The following SYT1 variants were observed in gnomAD, a reference collection of about 807,000 sequenced individuals.
SYT1 encodes synaptotagmin 1.
SYT1 carries 8 observed loss-of-function variants against 44.8 expected under a neutral mutation model. The observed-to-expected ratio is 0.18, with a 90% CI of 0.10 to 0.32. The LOEUF (loss-of-function observed/expected upper bound fraction) is 0.32. Ranked by LOEUF, SYT1 falls within the 10% of genes least tolerant of loss-of-function variation. SYT1 has a pLI of 1.00. For synonymous variants in SYT1, 154 were observed against 188.8 expected, an observed-to-expected ratio of 0.82 and a Z score of 1.51; for missense variants, 286 against 509.3, an observed-to-expected ratio of 0.56 and a Z score of 4.22.
chr12:79,242,280 G>A (rs1445504536), intron 4 of SYT1, among the ~76,000 whole-genome samples: 1 of 152,128 alleles, frequency 6.6e-6, no homozygotes, highest in African/African-American at 2.4e-5. Context: ...GCTCCTGAAG[G>A]AGAGAATGTC....
Position 79,139,572 on chromosome 12 carries a change from A to T in SYT1, c.-17-77931A>T, listed in dbSNP as rs1869426887. Among the ~76,000 whole-genome samples, 3 of 152,164 alleles carry T rather than the reference A, an allele frequency of 2.0e-5. No individual in the cohort carries two copies. The South Asian group carries it at 6.2e-4, about 32-fold the overall frequency. ...CCTATTAGTTATCTAAATCCTCATC[A>T]TGTGTAGGTGTAGAGTCAATGTTAA... On this transcript the variant is annotated intron_variant, in intron 3 of 10. Coordinates refer to ENST00000261205, the MANE Select transcript of SYT1 (RefSeq NM_005639.3).
intron 9 of SYT1, among the ~76,000 whole-genome samples, chr12:79,417,291 C>T (rs1048844594): frequency 3.3e-5 from 5 of 152,104 alleles, no homozygotes; most frequent in African/African-American, 1.2e-4. Context: ...TCTCTTCATC[C>T]AATTGCATAC....
intron 8 of SYT1, among the ~76,000 whole-genome samples, chr12:79,311,620 A>G (rs1298331582): frequency 3.6e-5 from 5 of 139,694 alleles, no homozygotes; most frequent in Admixed American, 7.4e-5. Context: ...AACCAACCCA[A>G]ATGTCCAACA....
upstream of SYT1, chr12:78,864,630 G>A (rs1014580023): frequency 6.6e-6 from 1 of 152,194 alleles, no homozygotes; most frequent in African/African-American, 2.4e-5. Flanking sequence ...ATTAGTGCGC[G>A]GGGATTGGCT....
At chr12:79,215,567 C>G (rs1397608026) in intron 3 of SYT1, among the ~76,000 whole-genome samples, 1 of 152,122 alleles carries the variant, frequency 6.6e-6, no homozygotes, top group Non-Finnish European at 1.5e-5. Context: ...CGGTGGCTCA[C>G]ACCTGTAATC....
intron 1 of SYT1, among the ~76,000 whole-genome samples, chr12:78,869,313 G>A (rs941469661): frequency 1.3e-5 from 2 of 151,876 alleles, no homozygotes; most frequent in Non-Finnish European, 2.9e-5. Context: ...TGGTAGCCGG[G>A]TATGTGAACA....
intron 8 of SYT1, among the ~76,000 whole-genome samples, chr12:79,350,276 G>C (rs1277278354): frequency 7.6e-6 from 1 of 132,072 alleles, no homozygotes; most frequent in East Asian, 2.3e-4. Context: ...TTTTTGAGAC[G>C]GAGTCTCGCT....
chr12:79,321,190 G>A (rs1881342575), intron 8 of SYT1, among the ~76,000 whole-genome samples: 1 of 152,168 alleles, frequency 6.6e-6, no homozygotes, highest in Non-Finnish European at 1.5e-5. Flanking sequence ...GAAAGGCTAA[G>A]AAATTTATCT....
intron 9 of SYT1, among the ~76,000 whole-genome samples, chr12:79,406,173 A>C (rs1256428649): frequency 6.6e-6 from 1 of 152,142 alleles, no homozygotes; most frequent in African/African-American, 2.4e-5. Flanking sequence ...CTTAGTTTGT[A>C]ATACCTTTCA....
intron 1 of SYT1, among the ~76,000 whole-genome samples, chr12:78,886,557 G>A (rs1874762821): frequency 6.6e-6 from 1 of 151,922 alleles, no homozygotes; most frequent in African/African-American, 2.4e-5. Context: ...ATTAAAAGAT[G>A]TTTGTAACCA....
At chr12:78,880,635 T>C (rs1874402431) in intron 1 of SYT1, among the ~76,000 whole-genome samples, 1 of 151,582 alleles carries the variant, frequency 6.6e-6, no homozygotes, top group South Asian at 2.1e-4. Flanking sequence ...TTAGAACAGC[T>C]CTATGCATCT....
intron 3 of SYT1, among the ~76,000 whole-genome samples, chr12:79,194,453 GTTATTA>G (rs3065428): frequency 6.7e-6 from 1 of 148,626 alleles, no homozygotes; most frequent in Non-Finnish European, 1.5e-5. Flanking sequence ...TAATAATTTT[GTTATTA>G]TTATTATTAT....
intron 3 of SYT1, among the ~76,000 whole-genome samples, chr12:79,168,995 A>G (rs1259830135): frequency 6.6e-6 from 1 of 152,004 alleles, no homozygotes; most frequent in African/African-American, 2.4e-5. Context: ...CACCAGTTGA[A>G]TGCTTTTGTG....
chr12:79,316,847 CTTTTGCACAT>C (rs1881112006), intron 8 of SYT1, among the ~76,000 whole-genome samples: 2 of 152,162 alleles, frequency 1.3e-5, no homozygotes, highest in South Asian at 4.1e-4. Flanking sequence ...CATCTTAGCA[CTTTTGCACAT>C]CACAGTAATT....
At chr12:78,872,943 T>A (rs1873895425) in intron 1 of SYT1, among the ~76,000 whole-genome samples, 1 of 151,770 alleles carries the variant, frequency 6.6e-6, no homozygotes, top group Admixed American at 6.6e-5. Context: ...CCGTAACTTT[T>A]TGCAGAGAGA....
chr12:79,344,618 C>CTATTTTTTTG (rs1009577342), intron 8 of SYT1, among the ~76,000 whole-genome samples: 1 of 151,898 alleles, frequency 6.6e-6, no homozygotes, highest in Non-Finnish European at 1.5e-5. Context: ...CCACACCTGG[C>CTATTTTTTTG]TATTTTTTTG....
At chr12:79,188,271 T>A (rs1269428690) in intron 3 of SYT1, among the ~76,000 whole-genome samples, 1 of 152,064 alleles carries the variant, frequency 6.6e-6, no homozygotes, top group African/African-American at 2.4e-5. Flanking sequence ...GGCAGGAGAT[T>A]TTTTCCATTT....
At chr12:79,256,742 C>A (rs568307667) in intron 4 of SYT1, among the ~76,000 whole-genome samples, 5 of 152,296 alleles carry the variant, frequency 3.3e-5, no homozygotes, top group Admixed American at 3.3e-4. Context: ...GTTACTCTGC[C>A]TGATACAGAA....
At chr12:79,417,833 T>A (rs1018581765) in intron 9 of SYT1, among the ~76,000 whole-genome samples, 2 of 150,350 alleles carry the variant, frequency 1.3e-5, no homozygotes, top group Admixed American at 6.6e-5. Context: ...TCTAAAGTTG[T>A]GCTTTTCTGT....
Sources: gnomAD v4.1 joint callset for allele counts (sites outside exome capture counted in the v4.1 genomes callset) on GRCh38, gnomAD v4.1.1 for gene constraint, MANE v1.5 for transcripts, NCBI Gene and HGNC (gene_info 2026-07-23, HGNC 2026-07-21) for gene names.